Variants in DHX32 observed in about 807,000 individuals in gnomAD.
The protein encoded by DHX32 is putative pre-mRNA-splicing factor ATP-dependent RNA helicase DHX32.
In DHX32, 51 loss-of-function variants were observed where a neutral mutation model predicts 70.0. The observed-to-expected ratio is 0.73, with a 90% CI of 0.58 to 0.92. The LOEUF (loss-of-function observed/expected upper bound fraction) is 0.92. Among genes scored for constraint, DHX32 ranks in the 40% least tolerant of loss-of-function variants. DHX32 has a pLI of 0.00. For missense variants in DHX32, 762 were observed against 891.8 expected (o/e 0.85, Z 1.85); for synonymous variants, 310 against 315.3 (o/e 0.98, Z 0.18).
chr10:125,849,790 C>G (rs538865932), intron 6 of DHX32, among the ~76,000 whole-genome samples: 8 of 152,254 alleles, frequency 5.3e-5, no homozygotes, highest in African/African-American at 1.9e-4. Context: ...TTTGTAAATT[C>G]CAAAGCCAAA....
At chr10:125,888,318 CT>C (rs1944351135) in intron 1 of DHX32, among the ~76,000 whole-genome samples, 1 of 151,886 alleles carries the variant, frequency 6.6e-6, no homozygotes, top group Admixed American at 6.6e-5. Context: ...ATCATCCTGC[CT>C]CAGTCTCTCG....
rs941892344 is a variant in DHX32, at chr10:125,836,437, A to T, written c.*250T>A. ...CACATTTACAAAATACCAGTTTTTTAAAATTTTGGTCAAATTATGAGTGGT... is the reference window on the plus strand; with the variant it reads ...CACATTTACAAAATACCAGTTTTTTTAAATTTTGGTCAAATTATGAGTGGT... On this transcript the variant is annotated 3_prime_UTR_variant, in exon 11 of 11. Transcript: ENST00000284690. The T allele has an allele frequency of 3.5e-6, 5 of 1,436,998 alleles. No homozygotes were observed. Among genetic ancestry groups the T allele is most frequent in the East Asian group, 2.5e-5 (1 of 39,500 alleles). 89.0% of individuals were successfully genotyped at this position (1,436,998 alleles called of 1,614,324 possible).
At chr10:125,859,324 G>A (rs938976321) in intron 3 of DHX32, among the ~76,000 whole-genome samples, 1 of 152,212 alleles carries the variant, frequency 6.6e-6, no homozygotes, top group African/African-American at 2.4e-5. Context: ...AGAGCCAGCT[G>A]TGCCTTTGGG....
At chr10:125,855,116 C>G (rs1944134698) in intron 3 of DHX32, among the ~76,000 whole-genome samples, 1 of 150,636 alleles carries the variant, frequency 6.6e-6, no homozygotes, top group African/African-American at 2.4e-5. Flanking sequence ...CAGCTACTCA[C>G]AAGGCTGAGG....
Position 125,857,976 on chromosome 10 carries a change from T to C in DHX32, c.849+1627A>G, listed in dbSNP as rs374663256. Reference sequence around the variant, plus strand: ...GTGCAGTGGTGCAATCATAGCTCACTGCAGCCTCAAACTCCTTAGTTCAAG... The same window carrying C: ...GTGCAGTGGTGCAATCATAGCTCACCGCAGCCTCAAACTCCTTAGTTCAAG... On this transcript the variant is annotated intron_variant, in intron 3 of 10. Transcript: ENST00000284690. Among the ~76,000 whole-genome samples the C allele has an allele frequency of 4.0e-5, 6 of 151,052 alleles. No individual in the cohort carries two copies. In the East Asian group the frequency reaches 1.2e-3, roughly 30 times the overall value.
chr10:125,845,270 G>A lies in DHX32; in HGVS notation c.1352-3336C>T, dbSNP rs555799863. 1.4e-4 allele frequency among the ~76,000 whole-genome samples: 22 copies of A among 152,266 alleles called. No homozygotes were observed. The East Asian group carries it at 3.7e-3, about 25-fold the overall frequency. The stretch of plus-strand genomic sequence containing the variant: ...CCTCACAGGAAGTCTGTCTACTCAG[G>A]TGCTCAGGAGGCTTCCTCCAGCCAG... On this transcript the variant is annotated intron_variant, in intron 6 of 10. Coordinates refer to ENST00000284690, the MANE Select transcript of DHX32 (RefSeq NM_018180.3).
In DHX32 at chr10:125,836,700, C is replaced by T; in HGVS notation, c.2219G>A (p.Cys740Tyr). The T allele has an allele frequency of 6.2e-7, 1 of 1,614,030 alleles. No homozygotes were observed. The highest frequency in any genetic ancestry group is 8.5e-7 in the Non-Finnish European group (1 of 1,179,966). Residue 740 changes from cysteine (C) to tyrosine (Y), a missense_variant, in exon 11 of 11, where the codon TGC (cysteine) becomes TAC (tyrosine). Around this residue, in one of 3 missense-constraint regions of DHX32, gnomAD observed 366 missense variants for 402.6 expected, o/e 0.91. Coordinates refer to ENST00000284690, the MANE Select transcript of DHX32 (RefSeq NM_018180.3). ...CETCPETEQR[C>Y]TLQ ...TTTGCTGGGGAGTCACTGGAGAGTGCATCTCTGTTCAGTTTCAGGGCACGT... is the reference window on the plus strand; with the variant it reads ...TTTGCTGGGGAGTCACTGGAGAGTGTATCTCTGTTCAGTTTCAGGGCACGT...
At chr10:125,841,412 C>A in intron 7 of DHX32, 1 of 1,598,838 alleles carries the variant, frequency 6.3e-7, no homozygotes, top group African/African-American at 1.3e-5. Context: ...AAAAAACAGG[C>A]ACACAACATT....
intron 1 of DHX32, among the ~76,000 whole-genome samples, chr10:125,889,545 C>T (rs1484250499): frequency 6.6e-6 from 1 of 152,292 alleles, no homozygotes; most frequent in African/African-American, 2.4e-5. Flanking sequence ...CTGCTTCCTA[C>T]ACTGAAGAGG....
intron 1 of DHX32, among the ~76,000 whole-genome samples, chr10:125,867,399 AG>A (rs1402066738): frequency 1.3e-5 from 2 of 152,238 alleles, no homozygotes; most frequent in Non-Finnish European, 2.9e-5. Flanking sequence ...AGGAGTTAAC[AG>A]GGACTGTGAA....
chr10:125,837,205 G>C lies in DHX32; in HGVS notation c.2064-350C>G, dbSNP rs147966003. On this transcript the variant is annotated intron_variant, in intron 10 of 10. Coordinates refer to ENST00000284690, the MANE Select transcript of DHX32 (RefSeq NM_018180.3). ...AGAGAGCTTTGGGTAGGGGAGAGAG[G>C]GGGTATCTTTGCTTCTTATTTTAAC... 1.2e-4 allele frequency among the ~76,000 whole-genome samples: 18 copies of C among 152,244 alleles called. No individual in the cohort carries two copies. In the East Asian group the frequency reaches 3.1e-3, roughly 26 times the overall value.
chr10:125,865,729 G>A (rs1316355115), intron 2 of DHX32, among the ~76,000 whole-genome samples: 1 of 152,142 alleles, frequency 6.6e-6, no homozygotes. Flanking sequence ...AGATCTCACT[G>A]TGTTGCCTAG....
chr10:125,852,003 G>A (rs572509920), intron 6 of DHX32, among the ~76,000 whole-genome samples: 2 of 150,962 alleles, frequency 1.3e-5, no homozygotes, highest in East Asian at 1.9e-4. Flanking sequence ...TCACCCTTAC[G>A]CTTCCATACT....
At chr10:125,854,307 T>TA (rs1944127683) in intron 3 of DHX32, 104 bp from the exon 4 acceptor site, 9 of 1,194,066 alleles carry the variant, frequency 7.5e-6, no homozygotes, top group Non-Finnish European at 9.0e-6. Context: ...ACGTAACAGA[T>TA]ACAGGGAAAG....
rs757149894 is a variant in DHX32, at chr10:125,866,941, C to T, written c.476+49G>A. On this transcript the variant is annotated intron_variant, in intron 2 of 10. Transcript: ENST00000284690. This position sits in a 1 kb window ranked among gnomAD's most constrained non-coding sequence, Gnocchi z 4.8. ...TAATGCTCCTTCAGAATTGTAGAAC[C>T]TAAGCCAAGAATCATCAGCAGGGAG... 12 of 1,566,398 alleles carry T rather than the reference C, an allele frequency of 7.7e-6. No homozygotes were observed. The South Asian group carries it at 1.2e-4, about 16-fold the overall frequency.
intron 1 of DHX32, among the ~76,000 whole-genome samples, chr10:125,890,254 A>G (rs1177233712): frequency 6.4e-4 from 97 of 152,422 alleles, no homozygotes; most frequent in Non-Finnish European, 1.1e-3. Context: ...ACAGTCAAAT[A>G]TTTAATACAC....
intron 8 of DHX32, among the ~76,000 whole-genome samples, chr10:125,840,064 A>G (rs906666566): frequency 6.6e-6 from 1 of 152,214 alleles, no homozygotes; most frequent in African/African-American, 2.4e-5. Flanking sequence ...ACTACTTCAC[A>G]TATTTTCACA....
Position 125,853,952 on chromosome 10 carries a change from A to G in DHX32, c.1092+9T>C, listed in dbSNP as rs1201064148. ...CAGCAGTCTGTTTAGCCTACTCAATAATAATTACCTTTCTTCTTTCCACAC... is the reference window on the plus strand; with the variant it reads ...CAGCAGTCTGTTTAGCCTACTCAATGATAATTACCTTTCTTCTTTCCACAC... On this transcript the variant is annotated intron_variant, in intron 4 of 10. Coordinates refer to ENST00000284690, the MANE Select transcript of DHX32 (RefSeq NM_018180.3). 6.2e-7 allele frequency: 1 copy of G among 1,612,626 alleles called. No homozygotes were observed. The highest frequency in any genetic ancestry group is 8.5e-7 in the Non-Finnish European group (1 of 1,179,538).
rs1347702157 is a variant in DHX32, at chr10:125,866,401, AAG to A, written c.476+587_476+588del. Among the ~76,000 whole-genome samples the A allele has an allele frequency of 1.3e-5, 2 of 152,346 alleles. No homozygotes were observed. Among genetic ancestry groups the A allele is most frequent in the East Asian group, 3.9e-4 (2 of 5,190 alleles). ...ACAGAGAAGTCTCCTTGGAACATAG[AAG>A]ACTCTGCAAAGCACAGTTTGAGAAA... On this transcript the variant is annotated intron_variant, in intron 2 of 10. Coordinates refer to ENST00000284690, the MANE Select transcript of DHX32 (RefSeq NM_018180.3). This position sits in a 1 kb window ranked among gnomAD's most constrained non-coding sequence, Gnocchi z 4.8.
Sources: allele counts gnomAD v4.1 joint callset (sites outside exome capture counted in the v4.1 genomes callset), GRCh38; gene constraint gnomAD v4.1.1; regional missense constraint gnomAD v4.1.1; non-coding constraint Gnocchi (gnomAD v3.1); transcripts MANE v1.5; gene names NCBI Gene and HGNC (gene_info 2026-07-23, HGNC 2026-07-21).